The following SMYD2 variants were observed in gnomAD, a reference collection of about 807,000 sequenced individuals.
SMYD2 encodes the protein SET and MYND domain containing 2, also known as N-lysine methyltransferase SMYD2.
SMYD2 carries 53 observed loss-of-function variants against 59.1 expected under a neutral mutation model. The ratio of observed to expected loss-of-function variants is 0.90; its 90% CI spans 0.72 to 1.13. SMYD2 has a LOEUF of 1.13. Among genes scored for constraint, SMYD2 ranks in the 50% most tolerant of loss-of-function variants. The pLI, the probability that SMYD2 is intolerant of heterozygous loss-of-function variation, is 0.00. For missense variants in SMYD2, 494 were observed against 544.7 expected (o/e 0.91, Z 0.93); for synonymous variants, 208 against 198.8 (o/e 1.05, Z -0.39).
In SMYD2 at chr1:214,309,748, C is replaced by T. The variant is rs1265758871; in HGVS notation, c.237+4498C>T. Among the ~76,000 whole-genome samples the T allele has an allele frequency of 2.6e-5, 4 of 152,126 alleles. No homozygotes were observed. In the East Asian group the frequency reaches 7.7e-4, roughly 29 times the overall value. On this transcript the variant is annotated intron_variant, in intron 2 of 11. Transcript: ENST00000366957. ...CATAGGAAGCATCTTAAATTTGGGC[C>T]ACTCTTTTTTTCTAAATCTTTAACA...
intron 1 of SMYD2, among the ~76,000 whole-genome samples, chr1:214,281,883 T>C (rs962419243): frequency 6.6e-6 from 1 of 152,210 alleles, no homozygotes; most frequent in East Asian, 1.9e-4. Context: ...TGCCTCAGAT[T>C]GGCCGTTTCT....
intron 1 of SMYD2, among the ~76,000 whole-genome samples, chr1:214,303,763 C>T (rs1656863495): frequency 1.3e-5 from 2 of 152,158 alleles, no homozygotes; most frequent in South Asian, 2.1e-4. Context: ...TATGTATATC[C>T]GTATTATAAG....
chr1:214,319,928 C>T (rs1309018899), intron 5 of SMYD2, among the ~76,000 whole-genome samples: 1 of 152,226 alleles, frequency 6.6e-6, no homozygotes, highest in Admixed American at 6.5e-5. Flanking sequence ...CTAATGTACC[C>T]TTTGCCCAGT....
At chr1:214,305,012 C>G (rs1012182602) in intron 1 of SMYD2, among the ~76,000 whole-genome samples, 175 bp from the exon 2 acceptor site, 1 of 152,132 alleles carries the variant, frequency 6.6e-6, no homozygotes, top group Non-Finnish European at 1.5e-5. Context: ...ACTCACTCCT[C>G]AAGGGCTGAA....
At chr1:214,309,873 A>G (rs1656971624) in intron 2 of SMYD2, among the ~76,000 whole-genome samples, 1 of 152,200 alleles carries the variant, frequency 6.6e-6, no homozygotes. Context: ...GCTCAGCAGC[A>G]CGGGCCATCT....
chr1:214,324,603 A>G, intron 5 of SMYD2, 38 bp from the exon 6 acceptor site: 1 of 1,521,790 alleles, frequency 6.6e-7, no homozygotes, highest in Non-Finnish European at 9.0e-7. Flanking sequence ...AAGAAGCTCC[A>G]GCTCATTTTT....
At chr1:214,334,354 T>G (rs1657403833) in intron 11 of SMYD2, 46 bp downstream of exon 11, 1 of 1,525,790 alleles carries the variant, frequency 6.6e-7, no homozygotes, top group South Asian at 1.1e-5. Flanking sequence ...CCAGATGGCC[T>G]CCTTAGCGCA....
intron 1 of SMYD2, among the ~76,000 whole-genome samples, chr1:214,284,502 CTGGGATTACAGGCA>C (rs1270049296): frequency 6.6e-6 from 1 of 151,450 alleles, no homozygotes; most frequent in Non-Finnish European, 1.5e-5. Context: ...TCCCAAAGTG[CTGGGATTACAGGCA>C]TGAGCCACTG....
chr1:214,293,098 G>GTGACAATAGCA (rs1656664948), intron 1 of SMYD2, among the ~76,000 whole-genome samples: 1 of 150,252 alleles, frequency 6.7e-6, no homozygotes, highest in Non-Finnish European at 1.5e-5. Flanking sequence ...TGTCACCCAG[G>GTGACAATAGCA]CTGGAGTGCA....
intron 1 of SMYD2, among the ~76,000 whole-genome samples, chr1:214,300,760 T>C (rs1656810747): frequency 1.3e-5 from 2 of 152,176 alleles, no homozygotes; most frequent in Non-Finnish European, 2.9e-5. Flanking sequence ...AGAATGACCA[T>C]GTTAGATTAG....
chr1:214,330,231 T>G lies in SMYD2; in HGVS notation c.769T>G (p.Ser257Ala). 1.9e-6 allele frequency: 3 copies of G among 1,613,572 alleles called. No homozygotes were observed. Among genetic ancestry groups the G allele is most frequent in the Non-Finnish European group, 2.5e-6 (3 of 1,179,666 alleles). The change falls in exon 8 of 12, where the codon TCT becomes GCT. Residue 257 changes from serine (S) to alanine (A), a missense_variant. By Grantham distance (99) the Ser-to-Ala change is moderately conservative (BLOSUM62 1). Coordinates refer to ENST00000366957, the MANE Select transcript of SMYD2 (RefSeq NM_020197.3). ...TEDRNDRLRD[S>A]YFFTCECQEC... The stretch of plus-strand genomic sequence containing the variant: ...AGATAGAAATGACCGGTTAAGAGAT[T>G]CTTATTTCTTTACCTGTGAGTGCCA...
At position 214,287,349 on chromosome 1, in the gene SMYD2, A is replaced by G. The variant is rs1047184559; in HGVS notation, c.173+5922A>G. The stretch of plus-strand genomic sequence containing the variant: ...TGCCTGTAATCCCAGCAGTTTGGGA[A>G]GCCGAGGCGGGCGGATTACCTGAGG... On this transcript the variant is annotated intron_variant, in intron 1 of 11. Transcript: ENST00000366957. Among the ~76,000 whole-genome samples, 8 of 151,586 alleles carry G rather than the reference A, an allele frequency of 5.3e-5. No individual in the cohort carries two copies. In the East Asian group the frequency reaches 5.9e-4, roughly 11 times the overall value.
At chr1:214,336,584 T>C in intron 11 of SMYD2, 120 bp from the exon 12 acceptor site, 2 of 709,952 alleles carry the variant, frequency 2.8e-6, no homozygotes, top group East Asian at 2.8e-5. Context: ...GAACATAGGC[T>C]CTAATGGCCA....
intron 1 of SMYD2, among the ~76,000 whole-genome samples, chr1:214,289,061 A>G (rs916875099): frequency 6.6e-6 from 1 of 150,780 alleles, no homozygotes; most frequent in South Asian, 2.1e-4. Context: ...CCTGGTTGGT[A>G]TTCCTGTAGA....
chr1:214,328,240 G>C (rs1241038233), intron 7 of SMYD2, among the ~76,000 whole-genome samples: 1 of 152,068 alleles, frequency 6.6e-6, no homozygotes, highest in Non-Finnish European at 1.5e-5. Flanking sequence ...GGACACATCA[G>C]AATTTCGTGT....
chr1:214,318,153 TG>T lies in SMYD2; in HGVS notation c.409+15del. 1 of 1,613,304 alleles carries T rather than the reference TG, an allele frequency of 6.2e-7. No individual in the cohort carries two copies. The highest frequency in any genetic ancestry group is 8.5e-7 in the Non-Finnish European group (1 of 1,179,604). Reference sequence around the variant, plus strand: ...AGTTTGAATCACGTAAGTCTTTCTGTGACCAGCCGCGCAGTTCTCTCAGCCA... The same window carrying T: ...AGTTTGAATCACGTAAGTCTTTCTGTACCAGCCGCGCAGTTCTCTCAGCCA... On this transcript the variant is annotated intron_variant, in intron 4 of 11. Transcript: ENST00000366957. The surrounding 1 kb of genome is among the most constrained non-coding windows in gnomAD (Gnocchi z 5.4).
At chr1:214,288,909 C>T (rs1460752079) in intron 1 of SMYD2, among the ~76,000 whole-genome samples, 5 of 148,526 alleles carry the variant, frequency 3.4e-5, no homozygotes, top group African/African-American at 9.9e-5. Context: ...GTTTCTGTGC[C>T]GTGTGATAGG....
chr1:214,300,016 A>T (rs1643693365), intron 1 of SMYD2, among the ~76,000 whole-genome samples: 1 of 152,220 alleles, frequency 6.6e-6, no homozygotes, highest in South Asian at 2.1e-4. Context: ...GCAAGGGCTG[A>T]AAACCTATGT....
chr1:214,314,327 T>C (rs1418207575), intron 2 of SMYD2, among the ~76,000 whole-genome samples: 2 of 152,166 alleles, frequency 1.3e-5, no homozygotes, highest in Non-Finnish European at 2.9e-5. Flanking sequence ...CTCATTGCTG[T>C]GTAAGTCAAC....
Sources: allele counts gnomAD v4.1 joint callset (sites outside exome capture counted in the v4.1 genomes callset), GRCh38; gene constraint gnomAD v4.1.1; non-coding constraint Gnocchi (gnomAD v3.1); transcripts MANE v1.5; gene names NCBI Gene and HGNC (gene_info 2026-07-23, HGNC 2026-07-21).